The following CCDC63 variants were observed in gnomAD, a reference collection of about 807,000 sequenced individuals.
The protein encoded by CCDC63 is coiled-coil domain-containing protein 63.
In CCDC63, 54 loss-of-function variants were observed where a neutral mutation model predicts 63.6. The observed-to-expected ratio is 0.85, with a 90% CI of 0.68 to 1.07. The LOEUF is 1.07. Among genes scored for constraint, CCDC63 ranks in the 50% least tolerant of loss-of-function variants. CCDC63 has a pLI of 0.00. For missense variants in CCDC63, 637 were observed against 689.6 expected, an observed-to-expected ratio of 0.92 and a Z score of 0.86; for synonymous variants, 253 against 266.1, an observed-to-expected ratio of 0.95 and a Z score of 0.48.
chr12:110,866,967 C>A (rs2070960849), intron 4 of CCDC63, among the ~76,000 whole-genome samples: 1 of 144,126 alleles, frequency 6.9e-6, no homozygotes, highest in East Asian at 2.1e-4. Flanking sequence ...CCACCTCCCT[C>A]CCGGACGGGG....
At chr12:110,864,909 A>G in intron 4 of CCDC63, among the ~76,000 whole-genome samples, 1 of 152,150 alleles carries the variant, frequency 6.6e-6, no homozygotes, top group Non-Finnish European at 1.5e-5. Flanking sequence ...GCTGTCAGCT[A>G]TGTTGGGTGT....
At position 110,879,962 on chromosome 12, in the gene CCDC63, TGAA is replaced by T; in HGVS notation, c.549_551del (p.Glu183del). ...CTAATGCCAAGCTCCGGAAGGAGAT[TGAA>T]GACCTACGATTTGAGAAGGCTGCTT... On this transcript the variant is annotated inframe_deletion, in exon 6 of 12. Coordinates refer to ENST00000308208, the MANE Select transcript of CCDC63 (RefSeq NM_152591.3). The T allele has an allele frequency of 6.2e-7, 1 of 1,614,192 alleles. No individual in the cohort carries two copies. Among genetic ancestry groups the T allele is most frequent in the South Asian group, 1.1e-5 (1 of 91,074 alleles).
intron 4 of CCDC63, among the ~76,000 whole-genome samples, chr12:110,860,143 G>C (rs534447494): frequency 6.6e-6 from 1 of 152,184 alleles, no homozygotes; most frequent in Non-Finnish European, 1.5e-5. Flanking sequence ...TCGCAACAGC[G>C]GGGGAGGGGG....
intron 4 of CCDC63, among the ~76,000 whole-genome samples, chr12:110,872,708 T>C (rs1047016171): frequency 1.4e-4 from 22 of 152,100 alleles, no homozygotes; most frequent in African/African-American, 5.3e-4. Context: ...TCACTGCAGC[T>C]TCGACCTCCT....
At chr12:110,867,582 C>T (rs2070983991) in intron 4 of CCDC63, among the ~76,000 whole-genome samples, 1 of 141,308 alleles carries the variant, frequency 7.1e-6, no homozygotes, top group Non-Finnish European at 1.6e-5. Context: ...GGGGCTGACC[C>T]CCCCACCTCC....
At chr12:110,883,842 G>A (rs1431881346) in intron 7 of CCDC63, among the ~76,000 whole-genome samples, 188 bp from the exon 8 acceptor site, 1 of 152,154 alleles carries the variant, frequency 6.6e-6, no homozygotes, top group African/African-American at 2.4e-5. Context: ...GTTTCGCCAT[G>A]TTGGCTAGGC....
At chr12:110,901,213 C>T (rs12301697) in intron 10 of CCDC63, among the ~76,000 whole-genome samples, 5,382 of 152,090 alleles carry the variant, frequency 0.035, 318 homozygotes, top group African/African-American at 0.12. Context: ...AGGCATGCAG[C>T]GCACAACAAT....
intron 5 of CCDC63, among the ~76,000 whole-genome samples, chr12:110,876,625 T>A (rs1342563704): frequency 6.6e-6 from 1 of 152,092 alleles, no homozygotes; most frequent in Admixed American, 6.6e-5. Flanking sequence ...TTTGAAAACC[T>A]CCAGTGAAAT....
At chr12:110,884,852 A>ATTTTTT (rs34391026) in intron 8 of CCDC63, among the ~76,000 whole-genome samples, 3 of 130,708 alleles carry the variant, frequency 2.3e-5, no homozygotes, top group Non-Finnish European at 1.6e-5. Flanking sequence ...ACGCCCTGCT[A>ATTTTTT]TTTTTTTTTT....
At chr12:110,845,179 G>C (rs1391876803), upstream of CCDC63, among the ~76,000 whole-genome samples, 2 of 152,162 alleles carry the variant, frequency 1.3e-5, no homozygotes, top group Non-Finnish European at 2.9e-5. Context: ...TAAATTCGTC[G>C]GAGGAAGGTC....
intron 11 of CCDC63, among the ~76,000 whole-genome samples, chr12:110,906,411 G>A (rs1281995837): frequency 1.3e-5 from 2 of 151,242 alleles, no homozygotes; most frequent in African/African-American, 2.4e-5. Flanking sequence ...CCAAACAGAG[G>A]TGTATAAGCC....
At position 110,880,095 on chromosome 12, in the gene CCDC63, G is replaced by A. The variant is rs2071179352; in HGVS notation, c.671+8G>A. ...TCAGGCCTATGAGCAGAGGTGGGCTGGGGATAGGTCCAGGGGCAGCGAGGT... is the reference window on the plus strand; with the variant it reads ...TCAGGCCTATGAGCAGAGGTGGGCTAGGGATAGGTCCAGGGGCAGCGAGGT... On this transcript the variant is annotated splice_region_variant and intron_variant, in intron 6 of 11. Coordinates refer to ENST00000308208, the MANE Select transcript of CCDC63 (RefSeq NM_152591.3). 4 of 1,613,098 alleles carry A rather than the reference G, an allele frequency of 2.5e-6. No homozygotes were observed. The South Asian group carries it at 4.4e-5, about 18-fold the overall frequency.
At chr12:110,861,309 A>G (rs1040729042) in intron 4 of CCDC63, among the ~76,000 whole-genome samples, 2 of 152,182 alleles carry the variant, frequency 1.3e-5, no homozygotes, top group African/African-American at 4.8e-5. Context: ...GTCTGCTTCA[A>G]ACCCTTCAGA....
At chr12:110,876,683 A>G (rs934681782) in intron 5 of CCDC63, among the ~76,000 whole-genome samples, 9 of 152,122 alleles carry the variant, frequency 5.9e-5, no homozygotes, top group African/African-American at 2.2e-4. Context: ...GTCTCTTTTC[A>G]GTGCTTATGG....
Position 110,906,780 on chromosome 12 carries a change from A to G in CCDC63, c.1547-551A>G, listed in dbSNP as rs533120756. ...TCAGCACAACTTCCACCGCCCTTTC[A>G]GTTCCTAAAAGGTTGGGGGGAGAGG... is the stretch of plus-strand genomic sequence containing the variant. On this transcript the variant is annotated intron_variant, in intron 11 of 11. Coordinates refer to ENST00000308208, the MANE Select transcript of CCDC63 (RefSeq NM_152591.3). Among the ~76,000 whole-genome samples, 8 of 152,258 alleles carry G rather than the reference A, an allele frequency of 5.3e-5. 1 individual carries two copies. The East Asian group carries it at 1.5e-3, about 29-fold the overall frequency.
Position 110,846,999 on chromosome 12 carries a change from G to A in CCDC63, c.-203G>A, listed in dbSNP as rs1477084654. 1 of 152,214 alleles carries A rather than the reference G, an allele frequency of 6.6e-6. No homozygotes were observed. Among genetic ancestry groups the A allele is most frequent in the Non-Finnish European group, 1.5e-5 (1 of 68,052 alleles). The allele number at this position is 152,214 out of a possible 1,614,324, so 9.4% of individuals were successfully genotyped here. Reference sequence around the variant, plus strand: ...TGGGGCTGGGGGTGTGGCGCAGCGAGGCCGCGCAGCAAGCAGTCCTCCCGG... The same window carrying A: ...TGGGGCTGGGGGTGTGGCGCAGCGAAGCCGCGCAGCAAGCAGTCCTCCCGG... On this transcript the variant is annotated 5_prime_UTR_variant, in exon 1 of 12. Coordinates refer to ENST00000308208, the MANE Select transcript of CCDC63 (RefSeq NM_152591.3).
intron 1 of CCDC63, among the ~76,000 whole-genome samples, chr12:110,848,549 C>T (rs1482827382): frequency 6.6e-6 from 1 of 152,288 alleles, no homozygotes; most frequent in East Asian, 1.9e-4. Context: ...GGTGATGGAG[C>T]TTTTGGTTCC....
At chr12:110,886,097 G>A (rs1037313852) in intron 8 of CCDC63, among the ~76,000 whole-genome samples, 2 of 152,080 alleles carry the variant, frequency 1.3e-5, no homozygotes, top group Admixed American at 6.5e-5. Context: ...AGCCAACATG[G>A]GTAAATTGGC....
chr12:110,904,651 T>C lies in CCDC63; in HGVS notation c.1406T>C (p.Val469Ala). The change falls in exon 11 of 12, where the codon GTG becomes GCG. Residue 469 changes from valine to alanine, a missense_variant. Transcript: ENST00000308208. Reference protein sequence around the residue: ...LLETYRRILEVEGAEAEIPPP... With the variant: ...LLETYRRILEAEGAEAEIPPP... The stretch of plus-strand genomic sequence containing the variant: ...GAGACCTACAGGCGCATCCTGGAAG[T>C]GGAAGGGGCAGAGGCTGAGATCCCG... 1 of 1,614,056 alleles carries C rather than the reference T, an allele frequency of 6.2e-7. No individual in the cohort carries two copies. Among genetic ancestry groups the C allele is most frequent in the African/African-American group, 1.3e-5 (1 of 75,010 alleles).
Sources: allele counts gnomAD v4.1 joint callset (sites outside exome capture counted in the v4.1 genomes callset), GRCh38; gene constraint gnomAD v4.1.1; transcripts MANE v1.5; gene names NCBI Gene and HGNC (gene_info 2026-07-23, HGNC 2026-07-21).